Variants in PLXNC1 observed in about 807,000 individuals in gnomAD.
PLXNC1 encodes the protein plexin-C1.
A neutral mutation model predicts 178.2 loss-of-function variants in PLXNC1; 75 were observed. The ratio of observed to expected loss-of-function variants is 0.42; its 90% CI spans 0.35 to 0.51. PLXNC1 has a LOEUF of 0.51. PLXNC1 is among the 20% of genes least tolerant of loss of function. The pLI, the probability that PLXNC1 is intolerant of heterozygous loss-of-function variation, is 0.02. For missense variants in PLXNC1, 1,503 were observed against 1,984.4 expected, an observed-to-expected ratio of 0.76 and a Z score of 4.61; for synonymous variants, 790 against 779.9, an observed-to-expected ratio of 1.01 and a Z score of -0.22.
intron 21 of PLXNC1, among the ~76,000 whole-genome samples, chr12:94,271,500 G>T (rs1194188351): frequency 6.6e-6 from 1 of 152,246 alleles, no homozygotes; most frequent in Non-Finnish European, 1.5e-5. Flanking sequence ...AAAGGGGAAT[G>T]CAGTTACATG....
chr12:94,298,865 A>G (rs1186568730), intron 27 of PLXNC1, 70 bp downstream of exon 27: 3 of 1,394,454 alleles, frequency 2.2e-6, no homozygotes, highest in Non-Finnish European at 3.0e-6. Flanking sequence ...AGAAAGACAT[A>G]GATAGTTATA....
intron 7 of PLXNC1, among the ~76,000 whole-genome samples, chr12:94,225,036 A>AAAGAACATG (rs1320395292): frequency 6.6e-6 from 1 of 152,230 alleles, no homozygotes; most frequent in Non-Finnish European, 1.5e-5. Context: ...CCTTTCACCA[A>AAAGAACATG]AAGAACATGT....
At chr12:94,183,316 G>C (rs554230317) in intron 3 of PLXNC1, among the ~76,000 whole-genome samples, 1 of 152,240 alleles carries the variant, frequency 6.6e-6, no homozygotes, top group East Asian at 1.9e-4. Context: ...ACACTGAGAT[G>C]GCCACATCTT....
rs1475252639 is a variant in PLXNC1 at position 94,303,989 on chromosome 12, G to T, written c.4540G>T (p.Glu1514Ter). ...GTCTTTCTTTTAGAAACATGAAAATGAATTTAATGAAGAAGTGGCCTTGAC... is the reference window on the plus strand; with the variant it reads ...GTCTTTCTTTTAGAAACATGAAAATTAATTTAATGAAGAAGTGGCCTTGAC... ...LTQESKKHEN[E>*]FNEEVALTEI... Residue 1514 changes from glutamate to a stop codon, truncating the protein, a stop_gained, in exon 30 of 31, where the codon GAA (glutamate) becomes TAA (stop). Coordinates refer to ENST00000258526, the MANE Select transcript of PLXNC1 (RefSeq NM_005761.3). LOFTEE classifies it high-confidence loss of function. The T allele has an allele frequency of 1.9e-6, 3 of 1,602,388 alleles. No homozygotes were observed. The highest frequency in any genetic ancestry group is 2.6e-6 in the Non-Finnish European group (3 of 1,170,108).
rs78873452 is a variant in PLXNC1 at position 94,224,319 on chromosome 12, A to G, written c.1790+4A>G. ...CCAACTGCTCATCATTAAAAGAGTA[A>G]GATTTTATTTGAAATTTGAATATTC... On this transcript the variant is annotated splice_donor_region_variant and intron_variant, in intron 7 of 30. Transcript: ENST00000258526. The G allele has an allele frequency of 1.4e-6, 2 of 1,414,470 alleles. No individual in the cohort carries two copies. Among genetic ancestry groups the G allele is most frequent in the East Asian group, 2.3e-5 (1 of 43,984 alleles). The allele number at this position is 1,414,470 out of a possible 1,614,324, so 87.6% of individuals were successfully genotyped here. A position where few individuals can be genotyped will look rare whatever the true frequency, so the allele number is the denominator to read the frequency against.
intron 11 of PLXNC1, among the ~76,000 whole-genome samples, chr12:94,243,215 G>T (rs923337768): frequency 2.6e-4 from 39 of 152,192 alleles, no homozygotes; most frequent in African/African-American, 9.2e-4. Context: ...GTCATCAGGG[G>T]CTCAGCTGGC....
At chr12:94,200,517 G>T (rs1196113441) in intron 4 of PLXNC1, among the ~76,000 whole-genome samples, 1 of 152,276 alleles carries the variant, frequency 6.6e-6, no homozygotes, top group East Asian at 1.9e-4. Flanking sequence ...TGTGGGATTT[G>T]ATATTGCTTT....
chr12:94,227,569 A>G (rs1963981691), intron 9 of PLXNC1: 2 of 240,770 alleles, frequency 8.3e-6, no homozygotes, highest in Admixed American at 5.1e-5. Flanking sequence ...TGCACTTTAT[A>G]TAATTGCGTT....
At chr12:94,235,789 A>C (rs191788332) in intron 9 of PLXNC1, among the ~76,000 whole-genome samples, 2 of 152,184 alleles carry the variant, frequency 1.3e-5, no homozygotes, top group East Asian at 1.9e-4. Flanking sequence ...ATGAAATATT[A>C]TTCTTCTTTT....
At chr12:94,291,565 T>C (rs1236213527) in intron 23 of PLXNC1, among the ~76,000 whole-genome samples, 1 of 152,204 alleles carries the variant, frequency 6.6e-6, no homozygotes, top group Non-Finnish European at 1.5e-5. Flanking sequence ...AGCTAATTCG[T>C]TTAAAGTATA....
At chr12:94,270,526 A>G (rs964810820) in intron 21 of PLXNC1, among the ~76,000 whole-genome samples, 1 of 152,158 alleles carries the variant, frequency 6.6e-6, no homozygotes, top group Non-Finnish European at 1.5e-5. Context: ...CAGCAATGGA[A>G]ATGCCTTGCC....
chr12:94,184,246 T>A (rs1413911790), intron 3 of PLXNC1, among the ~76,000 whole-genome samples: 1 of 151,456 alleles, frequency 6.6e-6, no homozygotes, highest in African/African-American at 2.4e-5. Flanking sequence ...GCCTCCCTAG[T>A]AGCTGGGACT....
intron 1 of PLXNC1, among the ~76,000 whole-genome samples, chr12:94,163,272 C>T (rs1961458751): frequency 6.6e-6 from 1 of 151,994 alleles, no homozygotes; most frequent in South Asian, 2.1e-4. Context: ...GCAGGAGAAT[C>T]GCTTGAACCC....
intron 3 of PLXNC1, among the ~76,000 whole-genome samples, chr12:94,182,263 G>T (rs951277674): frequency 6.6e-6 from 1 of 151,868 alleles, no homozygotes; most frequent in East Asian, 1.9e-4. Flanking sequence ...TTAATGAAAT[G>T]TGTTACTGAC....
chr12:94,201,307 T>C (rs1029405206), intron 4 of PLXNC1, among the ~76,000 whole-genome samples: 2 of 152,264 alleles, frequency 1.3e-5, no homozygotes, highest in Non-Finnish European at 2.9e-5. Context: ...ATTGAGCTGG[T>C]GTGTGAGCAA....
At chr12:94,191,980 AC>A (rs1361918907) in intron 4 of PLXNC1, among the ~76,000 whole-genome samples, 1 of 152,132 alleles carries the variant, frequency 6.6e-6, no homozygotes, top group Non-Finnish European at 1.5e-5. Context: ...AAAGCATAGC[AC>A]ATGTGTTCAG....
rs577851794 is a variant in PLXNC1 at position 94,299,254 on chromosome 12, T to G, written c.4238+459T>G. Among the ~76,000 whole-genome samples the G allele has an allele frequency of 5.9e-5, 9 of 152,278 alleles. No homozygotes were observed. In the East Asian group the frequency reaches 1.5e-3, roughly 26 times the overall value. ...ATACTATGAGAATTAGCCAAAAGTT[T>G]GTGTTTTGTTTTATATTTTAATATT... On this transcript the variant is annotated intron_variant, in intron 27 of 30. Transcript: ENST00000258526.
At position 94,149,066 on chromosome 12, in the gene PLXNC1, G is replaced by A; in HGVS notation, c.95G>A (p.Gly32Asp). 6.4e-7 allele frequency: 1 copy of A among 1,555,372 alleles called. No individual in the cohort carries two copies. Among genetic ancestry groups the A allele is most frequent in the Non-Finnish European group, 8.6e-7 (1 of 1,159,318 alleles). The change falls in exon 1 of 31, where the codon GGC (glycine) becomes GAC (aspartate). Residue 32 changes from glycine to aspartate, a missense_variant. Around this residue, in one of 4 missense-constraint regions of PLXNC1, gnomAD observed 176 missense variants for 180.7 expected, o/e 0.97. Transcript: ENST00000258526. The stretch of plus-strand genomic sequence containing the variant: ...TATCTGCTGGCACTGGCGGCTCCCG[G>A]CCGGGGCGCGGACGAGCCCGTGTGG... ...LAYLLALAAP[G>D]RGADEPVWRS...
At chr12:94,171,691 T>G (rs1961851754) in intron 2 of PLXNC1, among the ~76,000 whole-genome samples, 1 of 152,158 alleles carries the variant, frequency 6.6e-6, no homozygotes, top group African/African-American at 2.4e-5. Context: ...TTCCATGCCG[T>G]GGCTGGGGAC....
Sources: allele counts gnomAD v4.1 joint callset (sites outside exome capture counted in the v4.1 genomes callset), GRCh38; gene constraint gnomAD v4.1.1; regional missense constraint gnomAD v4.1.1; transcripts MANE v1.5; gene names NCBI Gene and HGNC (gene_info 2026-07-23, HGNC 2026-07-21).